The following WDR35 variants were observed in gnomAD, a reference collection of about 807,000 sequenced individuals.
WDR35 encodes the protein WD repeat-containing protein 35.
In WDR35, 118 loss-of-function variants were observed where a neutral mutation model predicts 158.3. The ratio of observed to expected loss-of-function variants is 0.75; its 90% CI spans 0.64 to 0.87. The LOEUF (loss-of-function observed/expected upper bound fraction) is 0.87, where lower values mean the gene tolerates loss of function less well. WDR35 is among the 40% of genes least tolerant of loss of function. WDR35 has a pLI of 0.00. For missense variants in WDR35, 1,263 were observed against 1,405.8 expected (o/e 0.90, Z 1.62); for synonymous variants, 448 against 476.1 (o/e 0.94, Z 0.77).
chr2:19,966,360 T>C (rs1176899955), intron 10 of WDR35, among the ~76,000 whole-genome samples: 1 of 152,218 alleles, frequency 6.6e-6, no homozygotes, highest in Non-Finnish European at 1.5e-5. Context: ...CTGTCTCAAG[T>C]GTTCATTGCT....
Position 19,950,025 on chromosome 2 carries a change from C to T in WDR35, c.1470+1390G>A, listed in dbSNP as rs564328717. Among the ~76,000 whole-genome samples the T allele has an allele frequency of 5.3e-4, 80 of 152,208 alleles. No homozygotes were observed. In the South Asian group the frequency reaches 0.015, roughly 29 times the overall value. ...ATATGTTATTCAGAAATTGAAAAAA[C>T]TCAACATTGGAAATATACATATTAG... On this transcript the variant is annotated intron_variant, in intron 13 of 26. Transcript: ENST00000281405.
chr2:19,940,002 G>T (rs143642372), intron 17 of WDR35, among the ~76,000 whole-genome samples: 440 of 149,776 alleles, frequency 2.9e-3, no homozygotes, highest in African/African-American at 9.5e-3. Flanking sequence ...AAAAAAAAAA[G>T]AAATAAATAA....
chr2:19,926,049 C>T (rs774551735), intron 25 of WDR35, among the ~76,000 whole-genome samples: 3 of 152,194 alleles, frequency 2.0e-5, no homozygotes, highest in Non-Finnish European at 4.4e-5. Context: ...ATAGCTCCAA[C>T]ATTTTCCCCT....
chr2:19,935,925 T>C (rs972197246), intron 20 of WDR35, among the ~76,000 whole-genome samples: 1 of 152,200 alleles, frequency 6.6e-6, no homozygotes, highest in Non-Finnish European at 1.5e-5. Flanking sequence ...AAAACACTTA[T>C]TAAACTTTGT....
chr2:19,952,357 A>G (rs1352725083), intron 12 of WDR35, among the ~76,000 whole-genome samples: 1 of 152,244 alleles, frequency 6.6e-6, no homozygotes, highest in Admixed American at 6.5e-5. Context: ...GAAGTACCCA[A>G]TAAATGTTGG....
chr2:19,922,539 G>A (rs1045492927), intron 25 of WDR35, among the ~76,000 whole-genome samples: 2 of 149,880 alleles, frequency 1.3e-5, no homozygotes, highest in Non-Finnish European at 3.0e-5. Flanking sequence ...TGGACACAGG[G>A]GCAGGAGATC....
chr2:19,946,643 A>G (rs1671065394), intron 14 of WDR35, 73 bp from the exon 15 acceptor site: 1 of 1,379,944 alleles, frequency 7.2e-7, no homozygotes, highest in Non-Finnish European at 1.0e-6. Context: ...ATTTCTCTAT[A>G]TGTCTATACA....
intron 23 of WDR35, among the ~76,000 whole-genome samples, chr2:19,931,701 T>C (rs1036194733): frequency 3.3e-5 from 5 of 152,168 alleles, no homozygotes; most frequent in Non-Finnish European, 7.4e-5. Context: ...AAAGTATTGA[T>C]GAAATGCTGG....
At chr2:19,919,085 A>C (rs1670078372) in intron 25 of WDR35, among the ~76,000 whole-genome samples, 1 of 152,210 alleles carries the variant, frequency 6.6e-6, no homozygotes, top group Non-Finnish European at 1.5e-5. Flanking sequence ...ACTCAGGATT[A>C]AGAAACTCAT....
intron 22 of WDR35, among the ~76,000 whole-genome samples, chr2:19,933,049 A>T (rs1340523752): frequency 2.0e-5 from 3 of 152,210 alleles, no homozygotes; most frequent in Admixed American, 1.3e-4. Context: ...CCAACCATTA[A>T]CTGGTCCTTC....
At chr2:19,951,821 A>G (rs1342039332) in intron 12 of WDR35, 3 of 179,810 alleles carry the variant, frequency 1.7e-5, no homozygotes, top group Non-Finnish European at 2.3e-5. Flanking sequence ...CTAATTCACT[A>G]ACTTTCTCTG....
chr2:19,955,459 C>T (rs927732873), intron 11 of WDR35, among the ~76,000 whole-genome samples: 2 of 152,128 alleles, frequency 1.3e-5, no homozygotes, highest in Non-Finnish European at 2.9e-5. Context: ...TAGATAGTCT[C>T]ATCAAATCCA....
rs1447241672 is a variant in WDR35, at chr2:19,933,450, T to C, written c.2609A>G (p.Lys870Arg). The change falls in exon 22 of 27, where the codon AAA becomes AGA. Residue 870 changes from lysine to arginine, a missense_variant. Physicochemically the swap from Lys to Arg is conservative, Grantham distance 26 (BLOSUM62 2). Transcript: ENST00000281405. ...TACTGCTGCCTTTGGTTGACTACATTTCAAAAATGCAGTCACTGCTTGTTC... is the reference window on the plus strand; with the variant it reads ...TACTGCTGCCTTTGGTTGACTACATCTCAAAAATGCAGTCACTGCTTGTTC... ...MCEQAVTAFL[K>R]CSQPKAAVDT... 1.2e-6 allele frequency: 2 copies of C among 1,614,000 alleles called. No individual in the cohort carries two copies. The highest frequency in any genetic ancestry group is 8.5e-7 in the Non-Finnish European group (1 of 1,179,950).
chr2:19,980,174 ACT>A (rs1378183918), intron 4 of WDR35, among the ~76,000 whole-genome samples: 1 of 152,114 alleles, frequency 6.6e-6, no homozygotes, highest in Non-Finnish European at 1.5e-5. Flanking sequence ...TACTGAGATA[ACT>A]CTAGCCACTC....
intron 7 of WDR35, among the ~76,000 whole-genome samples, chr2:19,973,962 G>T (rs1054622705): frequency 2.0e-5 from 3 of 150,546 alleles, no homozygotes; most frequent in African/African-American, 7.5e-5. Context: ...ACAAAAATTA[G>T]CTGGAGGAGT....
intron 2 of WDR35, among the ~76,000 whole-genome samples, chr2:19,988,244 C>G (rs973513418): frequency 3.9e-5 from 6 of 152,186 alleles, no homozygotes; most frequent in Non-Finnish European, 7.4e-5. Flanking sequence ...GGTTAAACAT[C>G]CACTACATGG....
chr2:19,916,919 T>A (rs1353552145), intron 25 of WDR35, among the ~76,000 whole-genome samples: 1 of 152,114 alleles, frequency 6.6e-6, no homozygotes, highest in Non-Finnish European at 1.5e-5. Flanking sequence ...CTGACCCCCA[T>A]GTATCCTGAC....
At chr2:19,951,688 C>A in intron 12 of WDR35, 1 of 453,086 alleles carries the variant, frequency 2.2e-6, no homozygotes. Context: ...ATAAATGATA[C>A]GTTCCTGAAA....
Position 19,931,260 on chromosome 2 carries a change from C to T in WDR35, c.2964+9G>A. 6.2e-7 allele frequency: 1 copy of T among 1,609,608 alleles called. No homozygotes were observed. Among genetic ancestry groups the T allele is most frequent in the Non-Finnish European group, 8.5e-7 (1 of 1,178,692 alleles). ...CAATGATGTAATGTTATTTAACGTG[C>T]TACTTTACCTCTGAACTTTTTCCTT... On this transcript the variant is annotated intron_variant, in intron 24 of 26. Transcript: ENST00000281405.
Sources: gnomAD v4.1 joint callset for allele counts (sites outside exome capture counted in the v4.1 genomes callset) on GRCh38, gnomAD v4.1.1 for gene constraint, MANE v1.5 for transcripts, NCBI Gene and HGNC (gene_info 2026-07-23, HGNC 2026-07-21) for gene names.